Variants in STT3B observed in about 807,000 individuals in gnomAD.
STT3B encodes the protein STT3 oligosaccharyltransferase complex catalytic subunit B.
STT3B carries 29 observed loss-of-function variants against 96.8 expected under a neutral mutation model. The observed-to-expected ratio is 0.30, with a 90% confidence interval of 0.22 to 0.41. The LOEUF is 0.41. STT3B is among the 10% of genes least tolerant of loss of function. The probability of loss-of-function intolerance (pLI) is 1.00; values close to 1 mark genes in which losing one functional copy is unlikely to be tolerated. For missense variants in STT3B, 640 were observed against 1,022.3 expected (o/e 0.63, Z 5.10); for synonymous variants, 367 against 360.0 (o/e 1.02, Z -0.22).
chr3:31,577,631 A>G (rs1275791159), intron 2 of STT3B, among the ~76,000 whole-genome samples: 1 of 152,148 alleles, frequency 6.6e-6, no homozygotes, highest in Non-Finnish European at 1.5e-5. Context: ...TTGTGTTTAG[A>G]AAGAACATGT....
intron 11 of STT3B, 42 bp downstream of exon 11, chr3:31,623,903 C>T (rs1699479514): frequency 1.4e-6 from 2 of 1,445,762 alleles, no homozygotes; most frequent in Non-Finnish European, 1.9e-6. Context: ...TATACTTACA[C>T]TTCTTTTTCG....
intron 1 of STT3B, among the ~76,000 whole-genome samples, chr3:31,569,897 T>G (rs1698098042): frequency 6.6e-6 from 1 of 151,946 alleles, no homozygotes; most frequent in African/African-American, 2.4e-5. Context: ...TGTATGTAAA[T>G]CATATAAATT....
intron 3 of STT3B, among the ~76,000 whole-genome samples, chr3:31,587,374 A>C (rs1190636738): frequency 6.6e-6 from 1 of 152,008 alleles, no homozygotes; most frequent in Non-Finnish European, 1.5e-5. Flanking sequence ...AATTCCATAT[A>C]AAAGGAATTA....
chr3:31,603,268 T>C (rs1431952047), intron 5 of STT3B, among the ~76,000 whole-genome samples: 1 of 152,086 alleles, frequency 6.6e-6, no homozygotes, highest in African/African-American at 2.4e-5. Context: ...TTAAAATCAA[T>C]TGTAGCACAA....
intron 11 of STT3B, 41 bp from the exon 12 acceptor site, chr3:31,624,873 T>C (rs1330910861): frequency 4.6e-6 from 7 of 1,514,020 alleles, no homozygotes; most frequent in Middle Eastern, 1.7e-4. Context: ...CTCTTCACAT[T>C]TGTGACATCT....
Position 31,626,084 on chromosome 3 carries a change from G to A in STT3B, c.2030G>A (p.Trp677Ter). ...YSGDDINKFLWMVRIAEGEHP... is the reference protein window; with the variant it reads ...YSGDDINKFL The stretch of plus-strand genomic sequence containing the variant: ...GGTGATGATATCAACAAATTTCTCT[G>A]GATGGTTAGGATAGCTGAAGGAGAA... Residue 677 changes from tryptophan to a stop codon, truncating the protein, a stop_gained, in exon 13 of 16, where the codon TGG becomes TAG. Coordinates refer to ENST00000295770, the MANE Select transcript of STT3B (RefSeq NM_178862.3). LOFTEE classifies it high-confidence loss of function. 6.2e-7 allele frequency: 1 copy of A among 1,613,628 alleles called. No homozygotes were observed. Among genetic ancestry groups the A allele is most frequent in the Non-Finnish European group, 8.5e-7 (1 of 1,179,828 alleles).
intron 4 of STT3B, among the ~76,000 whole-genome samples, chr3:31,598,812 CTT>C (rs1396789758): frequency 5.6e-5 from 8 of 143,300 alleles, no homozygotes; most frequent in Admixed American, 7.0e-5. Flanking sequence ...AATTTACTTA[CTT>C]TTTTTTTTTT....
At chr3:31,632,669 G>GGT (rs1559394953) in intron 14 of STT3B, among the ~76,000 whole-genome samples, 1 of 144,558 alleles carries the variant, frequency 6.9e-6, no homozygotes. Context: ...GTTTTGGTGG[G>GGT]TTTTTTTTTT....
At position 31,622,363 on chromosome 3, in the gene STT3B, C is replaced by G; in HGVS notation, c.1539+55C>G. On this transcript the variant is annotated intron_variant, in intron 10 of 15. Coordinates refer to ENST00000295770, the MANE Select transcript of STT3B (RefSeq NM_178862.3). ...TGTCTATGTCCTTTCTTAATTTTTC[C>G]ACCACAGTAAGAACTATACATATCA... 4 of 1,431,046 alleles carry G rather than the reference C, an allele frequency of 2.8e-6. No individual in the cohort carries two copies. The Admixed American group carries it at 7.0e-5, about 25-fold the overall frequency. The allele number at this position is 1,431,046 out of a possible 1,614,324, so 88.6% of individuals were successfully genotyped here.
intron 1 of STT3B, among the ~76,000 whole-genome samples, chr3:31,556,437 T>G (rs768984490): frequency 2.6e-5 from 4 of 152,184 alleles, no homozygotes; most frequent in Admixed American, 6.5e-5. Context: ...GTTGCTGGAT[T>G]ATATGGTAGT....
intron 1 of STT3B, among the ~76,000 whole-genome samples, chr3:31,535,886 T>C (rs1342296727): frequency 6.6e-6 from 1 of 152,236 alleles, no homozygotes; most frequent in Non-Finnish European, 1.5e-5. Context: ...TGACATTTCT[T>C]AATTAAATGT....
At chr3:31,556,913 T>C (rs1405225549) in intron 1 of STT3B, among the ~76,000 whole-genome samples, 1 of 152,206 alleles carries the variant, frequency 6.6e-6, no homozygotes, top group Non-Finnish European at 1.5e-5. Flanking sequence ...TTGTCTCTTT[T>C]TGTTTTTGTT....
intron 5 of STT3B, among the ~76,000 whole-genome samples, chr3:31,611,559 C>T (rs753765024): frequency 6.6e-6 from 1 of 152,072 alleles, no homozygotes; most frequent in Non-Finnish European, 1.5e-5. Context: ...GAGTGCAGTG[C>T]GATTTCAGCT....
intron 1 of STT3B, among the ~76,000 whole-genome samples, chr3:31,548,073 G>C (rs1697459195): frequency 6.6e-6 from 1 of 152,142 alleles, no homozygotes; most frequent in African/African-American, 2.4e-5. Flanking sequence ...TTCCTGTTTG[G>C]TTGGAACAGG....
At chr3:31,572,211 T>TA (rs1463984472) in intron 1 of STT3B, among the ~76,000 whole-genome samples, 2 of 144,842 alleles carry the variant, frequency 1.4e-5, no homozygotes, top group African/African-American at 5.1e-5. Flanking sequence ...ATTATATATA[T>TA]TATATTATAT....
intron 14 of STT3B, among the ~76,000 whole-genome samples, chr3:31,632,391 G>GTAAT (rs1699682173): frequency 6.6e-6 from 1 of 152,106 alleles, no homozygotes; most frequent in South Asian, 2.1e-4. Context: ...AATTTTTAGC[G>GTAAT]TTAAGTAAAG....
chr3:31,554,918 A>G (rs1697666479), intron 1 of STT3B, among the ~76,000 whole-genome samples: 1 of 152,088 alleles, frequency 6.6e-6, no homozygotes, highest in Admixed American at 6.5e-5. Flanking sequence ...GACCATCAGT[A>G]TGTATTTGAT....
At chr3:31,632,901 T>C in intron 14 of STT3B, 34 bp from the exon 15 acceptor site, 1 of 1,578,710 alleles carries the variant, frequency 6.3e-7, no homozygotes, top group South Asian at 1.1e-5. Context: ...TTTTCCAATA[T>C]GGTTAACACC....
At chr3:31,617,115 C>A in intron 7 of STT3B, 40 bp downstream of exon 7, 4 of 1,379,892 alleles carry the variant, frequency 2.9e-6, no homozygotes, top group Non-Finnish European at 2.9e-6. Flanking sequence ...ATTGTCTATA[C>A]AAACAATATA....
Sources: allele counts gnomAD v4.1 joint callset (sites outside exome capture counted in the v4.1 genomes callset), GRCh38; gene constraint gnomAD v4.1.1; transcripts MANE v1.5; gene names NCBI Gene and HGNC (gene_info 2026-07-23, HGNC 2026-07-21).